DNAH5: variants seen among roughly 807,000 people sequenced by gnomAD.
The protein encoded by DNAH5 is dynein axonemal heavy chain 5.
In DNAH5, 372 loss-of-function variants were observed where a neutral mutation model predicts 518.2. That is an observed-to-expected ratio of 0.72 (90% CI 0.66 to 0.78). DNAH5 has a LOEUF of 0.78. DNAH5 is among the 30% of genes least tolerant of loss of function. DNAH5 has a pLI of 0.00. For missense variants in DNAH5, 5,523 were observed against 5,687.0 expected, an observed-to-expected ratio of 0.97 and a Z score of 0.93; for synonymous variants, 2,039 against 2,025.9, an observed-to-expected ratio of 1.01 and a Z score of -0.17.
At chr5:13,911,105 G>A (rs1341116102) in intron 12 of DNAH5, among the ~76,000 whole-genome samples, 1 of 152,200 alleles carries the variant, frequency 6.6e-6, no homozygotes, top group African/African-American at 2.4e-5. Flanking sequence ...GTGCCGCAAT[G>A]TTCAACAGAA....
intron 19 of DNAH5, among the ~76,000 whole-genome samples, chr5:13,883,704 C>A: frequency 6.6e-6 from 1 of 152,088 alleles, no homozygotes; most frequent in East Asian, 1.9e-4. Flanking sequence ...TACGTAGTTG[C>A]AAATATCTGT....
intron 1 of DNAH5, among the ~76,000 whole-genome samples, chr5:13,934,152 T>C (rs1580959331): frequency 6.6e-6 from 1 of 152,324 alleles, no homozygotes; most frequent in Non-Finnish European, 1.5e-5. Flanking sequence ...CTTAGAATGT[T>C]GCCTCAGAAC....
intron 1 of DNAH5, among the ~76,000 whole-genome samples, chr5:13,958,956 T>TTTG (rs112550386): frequency 0.028 from 4,255 of 151,974 alleles, 160 homozygotes; most frequent in African/African-American, 0.086. Context: ...CAACAGCCTT[T>TTTG]TTGTTGTTGT....
chr5:13,701,316 TA>T lies in DNAH5; in HGVS notation c.13458del (p.Phe4486LeufsTer7). 1 of 1,613,926 alleles carries T rather than the reference TA, an allele frequency of 6.2e-7. No individual in the cohort carries two copies. Among genetic ancestry groups the T allele is most frequent in the Non-Finnish European group, 8.5e-7 (1 of 1,179,958 alleles). ...ATTGCAGTTAAAAATCCCTGGGGGT[TA>T]AAAAAACCCGTCATCCAAAAGCAGT... ...RPHCFWMTGFFNPQGFLTAMR... is the reference protein window; with the variant it reads ...RPHCFWMTGFXNPQGFLTAMR... On this transcript the variant is annotated frameshift_variant, in exon 77 of 79. Transcript: ENST00000265104. LOFTEE classifies it high-confidence loss of function.
In DNAH5 at chr5:13,871,566, G is replaced by C; in HGVS notation, c.3596C>G (p.Thr1199Arg). Residue 1199 changes from threonine to arginine, a missense_variant and splice_region_variant, in exon 23 of 79, where the codon ACA (threonine) becomes AGA (arginine). By Grantham distance (71) the Thr-to-Arg change is moderately conservative. Around this residue, in one of 3 missense-constraint regions of DNAH5, gnomAD observed 5,121 missense variants for 5,223.3 expected, o/e 0.98. Coordinates refer to ENST00000265104, the MANE Select transcript of DNAH5 (RefSeq NM_001369.3). ...TATATGAAAGAAAATGAACCAACCT[G>C]TGTACAGAGCAATGGAACCCACACA... ...YVCVGSIALY[T>R]ADLKFALTAE... 6.2e-7 allele frequency: 1 copy of C among 1,612,490 alleles called. No homozygotes were observed. The highest frequency in any genetic ancestry group is 8.5e-7 in the Non-Finnish European group (1 of 1,178,706).
Position 13,770,803 on chromosome 5 carries a change from C to A in DNAH5, c.9551G>T (p.Gly3184Val), listed in dbSNP as rs772990787. 2.5e-6 allele frequency: 4 copies of A among 1,613,894 alleles called. 1 individual carries two copies. In the South Asian group the frequency reaches 3.3e-5, roughly 13 times the overall value. The change falls in exon 56 of 79, where the codon GGC (glycine) becomes GTC (valine). Residue 3184 changes from glycine (G) to valine (V), a missense_variant. Gly to Val is a moderately radical substitution (Grantham distance 109). This residue lies in a region of DNAH5 where 5,121 missense variants were observed against 5,223.3 expected (regional missense o/e 0.98). Coordinates refer to ENST00000265104, the MANE Select transcript of DNAH5 (RefSeq NM_001369.3). ...CTTTTCTCCATATATGAACTTATAGCCCTGAATAAAGGAGAGGTATGATTT... is the reference window on the plus strand; with the variant it reads ...CTTTTCTCCATATATGAACTTATAGACCTGAATAAAGGAGAGGTATGATTT... ...TPKSYLSFIQ[G>V]YKFIYGEKHV...
At chr5:13,914,743 T>A (rs1289734099) in intron 9 of DNAH5, 101 bp from the exon 10 acceptor site, 1 of 1,201,386 alleles carries the variant, frequency 8.3e-7, no homozygotes, top group Non-Finnish European at 1.2e-6. Context: ...GAGTTCACAA[T>A]CTTCTAACTT....
intron 1 of DNAH5, among the ~76,000 whole-genome samples, chr5:13,975,636 T>G (rs78821310): frequency 0.025 from 3,876 of 152,278 alleles, 70 homozygotes; most frequent in South Asian, 0.049. Flanking sequence ...CCAGTACATA[T>G]CTGATGAATT....
At chr5:13,793,855 T>A in intron 48 of DNAH5, 81 bp downstream of exon 48, 1 of 1,558,636 alleles carries the variant, frequency 6.4e-7, no homozygotes. Context: ...AGTAAAAACT[T>A]AAAAAAAATT....
chr5:13,946,396 C>T (rs1044092673), upstream of DNAH5, among the ~76,000 whole-genome samples: 18 of 152,126 alleles, frequency 1.2e-4, no homozygotes, highest in African/African-American at 3.9e-4. Flanking sequence ...AGGTAGATGG[C>T]GTCTTAAGGT....
At chr5:13,781,359 C>T (rs189347094) in intron 52 of DNAH5, among the ~76,000 whole-genome samples, 45 of 152,232 alleles carry the variant, frequency 3.0e-4, no homozygotes, top group African/African-American at 9.2e-4. Context: ...CCTTGGCATA[C>T]AGGGCATCGT....
At position 13,944,522 on chromosome 5, in the gene DNAH5, C is replaced by T. The variant is rs984417093; in HGVS notation, c.-84G>A. ...GCAGACCTGCTCAACATCCAACAGG[C>T]TTCCAAATGGAAAGTTTTACTTCCA... is the stretch of plus-strand genomic sequence containing the variant. On this transcript the variant is annotated 5_prime_UTR_variant, in exon 1 of 79. Coordinates refer to ENST00000265104, the MANE Select transcript of DNAH5 (RefSeq NM_001369.3). 1.9e-5 allele frequency: 23 copies of T among 1,190,652 alleles called. No individual in the cohort carries two copies. Among genetic ancestry groups the T allele is most frequent in the South Asian group, 2.5e-5 (2 of 80,830 alleles). 73.8% of individuals were successfully genotyped at this position (1,190,652 alleles called of 1,614,324 possible).
intron 1 of DNAH5, among the ~76,000 whole-genome samples, chr5:13,991,382 T>G (rs1364572543): frequency 6.6e-6 from 1 of 151,964 alleles, no homozygotes; most frequent in East Asian, 1.9e-4. Context: ...AAAGAAGATA[T>G]GGGCTGAATC....
At chr5:13,831,765 C>G (rs1466031543) in intron 35 of DNAH5, among the ~76,000 whole-genome samples, 3 of 152,200 alleles carry the variant, frequency 2.0e-5, no homozygotes, top group Non-Finnish European at 2.9e-5. Flanking sequence ...TATTATTTCT[C>G]CTGTTGCATT....
intron 31 of DNAH5, among the ~76,000 whole-genome samples, chr5:13,848,592 C>T (rs570879830): frequency 5.9e-4 from 90 of 152,234 alleles, no homozygotes; most frequent in South Asian, 1.2e-3. Flanking sequence ...GCTTGTTTTC[C>T]TGCAACTAAA....
intron 65 of DNAH5, among the ~76,000 whole-genome samples, chr5:13,747,608 G>A (rs1181464572): frequency 4.6e-5 from 7 of 152,174 alleles, no homozygotes; most frequent in Non-Finnish European, 1.0e-4. Flanking sequence ...ATCTCATTGT[G>A]GTTTTGATTT....
chr5:13,996,716 G>GC (rs1393195671), intron 1 of DNAH5, among the ~76,000 whole-genome samples: 1 of 152,216 alleles, frequency 6.6e-6, no homozygotes, highest in Non-Finnish European at 1.5e-5. Flanking sequence ...GGACAGCCTG[G>GC]CCCCATGGCT....
intron 44 of DNAH5, among the ~76,000 whole-genome samples, chr5:13,810,973 CA>C (rs1346420017): frequency 1.3e-5 from 2 of 152,042 alleles, no homozygotes; most frequent in African/African-American, 4.8e-5. Context: ...TGAAATAAGC[CA>C]GACGCAGAAA....
At chr5:13,811,526 T>A in intron 44 of DNAH5, 121 bp downstream of exon 44, 1 of 973,568 alleles carries the variant, frequency 1.0e-6, no homozygotes, top group Non-Finnish European at 1.6e-6. Context: ...CCAAATCTAA[T>A]TTCAAATATA....
Sources: allele counts gnomAD v4.1 joint callset (sites outside exome capture counted in the v4.1 genomes callset), GRCh38; gene constraint gnomAD v4.1.1; regional missense constraint gnomAD v4.1.1; transcripts MANE v1.5; gene names NCBI Gene and HGNC (gene_info 2026-07-23, HGNC 2026-07-21).